The following KCNQ3 variants were observed in gnomAD, a reference collection of about 807,000 sequenced individuals.
KCNQ3 encodes the protein potassium voltage-gated channel subfamily KQT member 3.
KCNQ3 carries 30 observed loss-of-function variants against 92.5 expected under a neutral mutation model. That is an observed-to-expected ratio of 0.32 (90% CI 0.24 to 0.44). The LOEUF (loss-of-function observed/expected upper bound fraction) is 0.44, where lower values mean the gene tolerates loss of function less well. Ranked by LOEUF, KCNQ3 falls within the 20% of genes least tolerant of loss-of-function variation. The pLI is 1.00. For missense variants in KCNQ3, 913 were observed against 1,140.3 expected, an observed-to-expected ratio of 0.80 and a Z score of 2.87; for synonymous variants, 450 against 468.8, an observed-to-expected ratio of 0.96 and a Z score of 0.52.
intron 1 of KCNQ3, among the ~76,000 whole-genome samples, chr8:132,301,768 C>T (rs55881075): frequency 0.21 from 31,562 of 151,868 alleles, 4,284 homozygotes; most frequent in Non-Finnish European, 0.31. Flanking sequence ...GATGGGGATG[C>T]GAGACAGTTG....
Position 132,129,306 on chromosome 8 carries a change from C to T in KCNQ3, c.2575G>A (p.Gly859Arg). The T allele has an allele frequency of 1.2e-6, 2 of 1,614,010 alleles. No individual in the cohort carries two copies. Among genetic ancestry groups the T allele is most frequent in the East Asian group, 2.2e-5 (1 of 44,884 alleles). ...GSMPLSSTGD[G>R]ISDSVWTPSN... ...GGGGTCCATACTGAATCAGAAATCC[C>T]ATCCCCTGTGGACGACAGAGGCATG... Residue 859 changes from glycine (G) to arginine (R), a missense_variant, in exon 15 of 15, where the codon GGG becomes AGG. Around this residue, in one of 6 missense-constraint regions of KCNQ3, gnomAD observed 375 missense variants for 376.4 expected, o/e 1.00. Coordinates refer to ENST00000388996, the MANE Select transcript of KCNQ3 (RefSeq NM_004519.4). This position sits in a 1 kb window ranked among gnomAD's most constrained non-coding sequence, Gnocchi z 5.9.
chr8:132,306,924 A>G (rs1466845477), intron 1 of KCNQ3, among the ~76,000 whole-genome samples: 1 of 152,148 alleles, frequency 6.6e-6, no homozygotes, highest in African/African-American at 2.4e-5. Flanking sequence ...TCCAGATGGG[A>G]ACAGACCAAG....
At chr8:132,418,507 C>A (rs183570118) in intron 1 of KCNQ3, among the ~76,000 whole-genome samples, 12 of 152,136 alleles carry the variant, frequency 7.9e-5, no homozygotes, top group Admixed American at 2.0e-4. Context: ...AGTAGATGGC[C>A]GGGCACAGTG....
In KCNQ3 at chr8:132,301,753, G is replaced by A. The variant is rs150321349; in HGVS notation, c.387-115572C>T. 1.8e-3 allele frequency among the ~76,000 whole-genome samples: 272 copies of A among 152,212 alleles called. 1 individual carries two copies. Among genetic ancestry groups the A allele is most frequent in the African/African-American group, 6.5e-3 (268 of 41,536 alleles). ...GGGGATACAGAAATGGGATCAGACT[G>A]GTGGGATGGGGATGCGAGACAGTTG... On this transcript the variant is annotated intron_variant, in intron 1 of 14. Coordinates refer to ENST00000388996, the MANE Select transcript of KCNQ3 (RefSeq NM_004519.4).
intron 3 of KCNQ3, among the ~76,000 whole-genome samples, chr8:132,182,567 A>T (rs62519594): frequency 0.038 from 5,803 of 152,338 alleles, 173 homozygotes; most frequent in Non-Finnish European, 0.056. Context: ...TACTTCCCCA[A>T]GGGGGATGCA....
chr8:132,181,963 T>A (rs561569239), intron 3 of KCNQ3, among the ~76,000 whole-genome samples: 4 of 150,374 alleles, frequency 2.7e-5, no homozygotes, highest in Non-Finnish European at 5.9e-5. Context: ...GAGAATGGCG[T>A]GAACCCAGGA....
intron 9 of KCNQ3, among the ~76,000 whole-genome samples, chr8:132,153,808 A>G (rs11780224): frequency 0.13 from 19,465 of 151,930 alleles, 1,698 homozygotes; most frequent in Non-Finnish European, 0.19. Flanking sequence ...ACCAGGACTC[A>G]GAGATAGAAG....
At chr8:132,363,231 A>G (rs1350218191) in intron 1 of KCNQ3, among the ~76,000 whole-genome samples, 2 of 152,230 alleles carry the variant, frequency 1.3e-5, no homozygotes, top group Non-Finnish European at 2.9e-5. Flanking sequence ...ATATTGGTAG[A>G]TAAAACGCGA....
intron 1 of KCNQ3, among the ~76,000 whole-genome samples, chr8:132,452,206 C>T (rs1821836922): frequency 6.6e-6 from 1 of 152,188 alleles, no homozygotes; most frequent in Admixed American, 6.5e-5. Context: ...TTTTCATCCC[C>T]CCAAAATGAA....
At chr8:132,281,536 GTATA>G (rs1554640305) in intron 1 of KCNQ3, among the ~76,000 whole-genome samples, 2 of 106,330 alleles carry the variant, frequency 1.9e-5, no homozygotes, top group African/African-American at 6.2e-5. Flanking sequence ...GTGTGTGTGT[GTATA>G]TGTGTGTGTA....
At chr8:132,425,327 G>A (rs118119903) in intron 1 of KCNQ3, among the ~76,000 whole-genome samples, 1,766 of 152,336 alleles carry the variant, frequency 0.012, 15 homozygotes, top group Non-Finnish European at 0.02. Flanking sequence ...TGTAATGTAA[G>A]TAGCAAGTAA....
chr8:132,252,544 C>T (rs1238019725), intron 1 of KCNQ3, among the ~76,000 whole-genome samples: 1 of 152,194 alleles, frequency 6.6e-6, no homozygotes, highest in Admixed American at 6.5e-5. Context: ...AGCAAAAGAA[C>T]AAAGCTTCCA....
chr8:132,371,438 T>C (rs1214951573), intron 1 of KCNQ3, among the ~76,000 whole-genome samples: 2 of 152,204 alleles, frequency 1.3e-5, no homozygotes, highest in Non-Finnish European at 2.9e-5. Context: ...GTCAACTTTA[T>C]ACATGGGCAG....
At chr8:132,349,947 C>T (rs780309493) in intron 1 of KCNQ3, among the ~76,000 whole-genome samples, 2 of 152,224 alleles carry the variant, frequency 1.3e-5, no homozygotes, top group Non-Finnish European at 2.9e-5. Flanking sequence ...CTAGTAAGAG[C>T]GTAGCTGGAA....
chr8:132,298,049 G>A (rs368774875), intron 1 of KCNQ3, among the ~76,000 whole-genome samples: 27 of 152,118 alleles, frequency 1.8e-4, no homozygotes, highest in Admixed American at 1.0e-3. Flanking sequence ...GGCTTTGTCC[G>A]GCACCCAGAC....
intron 1 of KCNQ3, among the ~76,000 whole-genome samples, chr8:132,462,338 C>T (rs905411475): frequency 1.3e-5 from 2 of 152,012 alleles, no homozygotes; most frequent in Non-Finnish European, 2.9e-5. Context: ...TACAGGTGCC[C>T]ACCACCACGC....
intron 1 of KCNQ3, among the ~76,000 whole-genome samples, chr8:132,330,676 TA>T (rs1431305787): frequency 2.0e-5 from 3 of 152,184 alleles, no homozygotes; most frequent in Non-Finnish European, 4.4e-5. Context: ...AGCTGGGAAG[TA>T]AGTGAGAGTT....
intron 9 of KCNQ3, among the ~76,000 whole-genome samples, chr8:132,147,079 G>C (rs1231677764): frequency 6.6e-6 from 1 of 152,178 alleles, no homozygotes; most frequent in Non-Finnish European, 1.5e-5. Context: ...GGATCCATGG[G>C]AAGCAAAAAC....
chr8:132,312,182 AC>A (rs1292207608), intron 1 of KCNQ3, among the ~76,000 whole-genome samples: 3 of 152,182 alleles, frequency 2.0e-5, no homozygotes, highest in Non-Finnish European at 4.4e-5. Flanking sequence ...GTGAGAGAAT[AC>A]ATTTCTGTTG....
Sources: gnomAD v4.1 joint callset for allele counts (sites outside exome capture counted in the v4.1 genomes callset) on GRCh38, gnomAD v4.1.1 for gene constraint, gnomAD v4.1.1 regional missense constraint, Gnocchi (gnomAD v3.1) non-coding constraint, MANE v1.5 for transcripts, NCBI Gene and HGNC (gene_info 2026-07-23, HGNC 2026-07-21) for gene names.